APOBEC1: variants seen among roughly 807,000 people sequenced by gnomAD.
APOBEC1 encodes the protein apolipoprotein B mRNA editing enzyme catalytic subunit 1.
Under a neutral mutation model 26.3 loss-of-function variants are expected in APOBEC1, and 22 were observed. The ratio of observed to expected loss-of-function variants is 0.84; its 90% CI spans 0.60 to 1.19. The LOEUF (loss-of-function observed/expected upper bound fraction) is 1.19. Ranked by LOEUF, APOBEC1 falls within the 50% of genes most tolerant of loss-of-function variation. The pLI is 0.00. For synonymous variants in APOBEC1, 77 were observed against 95.3 expected (o/e 0.81, Z 1.12); for missense variants, 253 against 289.0 (o/e 0.88, Z 0.90).
chr12:7,652,740 C>A lies in APOBEC1; in HGVS notation c.140G>T (p.Ser47Ile). ...GCCTGAGCTTCGCCAGATCTTCCGG[C>A]TCATGCCCCACTTGATTTCGTAGAG... ...CLLYEIKWGM[S>I]RKIWRSSGKN... Residue 47 changes from serine (S) to isoleucine (I), a missense_variant, in exon 3 of 5, where the codon AGC becomes ATC. Coordinates refer to ENST00000229304, the MANE Select transcript of APOBEC1 (RefSeq NM_001644.5). 1 of 1,614,102 alleles carries A rather than the reference C, an allele frequency of 6.2e-7. No individual in the cohort carries two copies. The highest frequency in any genetic ancestry group is 1.1e-5 in the South Asian group (1 of 91,074).
intron 2 of APOBEC1, among the ~76,000 whole-genome samples, chr12:7,653,650 A>C (rs1252655153): frequency 6.6e-6 from 1 of 151,692 alleles, no homozygotes; most frequent in Non-Finnish European, 1.5e-5. Flanking sequence ...TCTATTTTAC[A>C]CCTAGAGGTG....
chr12:7,651,470 C>G (rs367890578), intron 3 of APOBEC1, among the ~76,000 whole-genome samples: 1 of 151,710 alleles, frequency 6.6e-6, no homozygotes, highest in Non-Finnish European at 1.5e-5. Flanking sequence ...AAAAATTAGC[C>G]GGGCGTGGTG....
upstream of APOBEC1, among the ~76,000 whole-genome samples, chr12:7,666,356 C>T (rs1414167900): frequency 1.3e-5 from 2 of 151,316 alleles, no homozygotes; most frequent in African/African-American, 4.9e-5. Context: ...TGCAATGGCA[C>T]AATCTTGGCT....
At position 7,649,436 on chromosome 12, in the gene APOBEC1, TAC is replaced by T. The variant is rs1863604295; in HGVS notation, c.*109_*110del. 1 of 1,189,510 alleles carries T rather than the reference TAC, an allele frequency of 8.4e-7. No individual in the cohort carries two copies. The highest frequency in any genetic ancestry group is 2.3e-5 in the Admixed American group (1 of 43,660). The allele number at this position is 1,189,510 out of a possible 1,614,324, so 73.7% of individuals were successfully genotyped here. A position where few individuals can be genotyped will look rare whatever the true frequency, so the allele number is the denominator to read the frequency against. ...ATACATATTTATTGTTGGTTTAAGC[TAC>T]AGAGTTTTGGGGTACCTTGTGAACA... On this transcript the variant is annotated 3_prime_UTR_variant, in exon 5 of 5. Transcript: ENST00000229304.
intron 2 of APOBEC1, among the ~76,000 whole-genome samples, chr12:7,653,111 TA>T (rs1863669085): frequency 1.3e-5 from 2 of 152,112 alleles, no homozygotes; most frequent in South Asian, 4.2e-4. Flanking sequence ...TTTGTATTTT[TA>T]GTAGAGACGG....
At position 7,657,194 on chromosome 12, in the gene APOBEC1, TAA is replaced by T. The variant is rs375386279; in HGVS notation, c.17-2564_17-2563del. ...CATTTGAACCAACTGCATTTCGTAC[TAA>T]GTTACTACCCTTGAATTGAGCCTCA... On this transcript the variant is annotated intron_variant, in intron 1 of 4. Coordinates refer to ENST00000229304, the MANE Select transcript of APOBEC1 (RefSeq NM_001644.5). Among the ~76,000 whole-genome samples the T allele has an allele frequency of 4.7e-3, 721 of 152,306 alleles. 7 individuals carry two copies. The highest frequency in any genetic ancestry group is 0.015 in the African/African-American group (630 of 41,562).
At position 7,651,255 on chromosome 12, in the gene APOBEC1, T is replaced by C. The variant is rs561124244; in HGVS notation, c.443-114A>G. The C allele has an allele frequency of 2.0e-3, 1,464 of 721,470 alleles. 3 individuals are homozygous for C. The highest frequency in any genetic ancestry group is 6.5e-3 in the Middle Eastern group (23 of 3,512). The allele number at this position is 721,470 out of a possible 1,614,324, so 44.7% of individuals were successfully genotyped here. A position where few individuals can be genotyped will look rare whatever the true frequency, so the allele number is the denominator to read the frequency against. On this transcript the variant is annotated intron_variant, in intron 3 of 4. Coordinates refer to ENST00000229304, the MANE Select transcript of APOBEC1 (RefSeq NM_001644.5). ...CTGTAGTCTCTAGTCTAGTTGCTGC[T>C]GGACATTAGACCCCCTAAAAAGAAT... is the stretch of plus-strand genomic sequence containing the variant.
upstream of APOBEC1, among the ~76,000 whole-genome samples, chr12:7,670,334 T>C (rs1187030593): frequency 7.1e-6 from 1 of 141,028 alleles, no homozygotes; most frequent in Non-Finnish European, 1.5e-5. Context: ...GTTGTAAGAG[T>C]TTTTTACGTA....
intron 1 of APOBEC1, 58 bp downstream of exon 1, chr12:7,665,799 A>G (rs746987079): frequency 1.2e-5 from 17 of 1,361,934 alleles, no homozygotes; most frequent in Admixed American, 3.5e-5. Flanking sequence ...ACACACACAC[A>G]CACACACCAT....
chr12:7,650,440 AAATAAG>A (rs1404981161), intron 4 of APOBEC1, among the ~76,000 whole-genome samples: 1 of 152,090 alleles, frequency 6.6e-6, no homozygotes, highest in African/African-American at 2.4e-5. Context: ...AATGATAATA[AAATAAG>A]AATAAAAATG....
chr12:7,649,620 C>T lies in APOBEC1; in HGVS notation c.638G>A (p.Cys213Tyr). 1 of 1,613,986 alleles carries T rather than the reference C, an allele frequency of 6.2e-7. No homozygotes were observed. Among genetic ancestry groups the T allele is most frequent in the South Asian group, 1.1e-5 (1 of 91,078 alleles). The part of the protein sequence containing the change: ...LTFFRLHLQN[C>Y]HYQTIPPHIL... ...GTGTGGCGGAATCGTTTGGTAATGG[C>T]AGTTTTGAAGATGAAGTCTGAAAAA... The change falls in exon 5 of 5, where the codon TGC (cysteine) becomes TAC (tyrosine). Residue 213 changes from cysteine (C) to tyrosine (Y), a missense_variant. Coordinates refer to ENST00000229304, the MANE Select transcript of APOBEC1 (RefSeq NM_001644.5).
At position 7,653,133 on chromosome 12, in the gene APOBEC1, T is replaced by G. The variant is rs373437987; in HGVS notation, c.45-298A>C. ...TTTTAGTAGAGACGGGGTTTCACCATGTTGGCCAGGCTGGTCTCAAACTCC... is the reference window on the plus strand; with the variant it reads ...TTTTAGTAGAGACGGGGTTTCACCAGGTTGGCCAGGCTGGTCTCAAACTCC... On this transcript the variant is annotated intron_variant, in intron 2 of 4. Coordinates refer to ENST00000229304, the MANE Select transcript of APOBEC1 (RefSeq NM_001644.5). Among the ~76,000 whole-genome samples, 341 of 152,152 alleles carry G rather than the reference T, an allele frequency of 2.2e-3. 2 individuals carry two copies. The highest frequency in any genetic ancestry group is 7.9e-3 in the African/African-American group (330 of 41,524).
At chr12:7,665,803 A>ACACC (rs1863885183) in intron 1 of APOBEC1, 54 bp downstream of exon 1, 1 of 1,366,880 alleles carries the variant, frequency 7.3e-7, no homozygotes, top group Non-Finnish European at 1.0e-6. Context: ...ACACACACAC[A>ACACC]CACCATTCTT....
chr12:7,669,374 C>T (rs1592066221), upstream of APOBEC1, among the ~76,000 whole-genome samples: 2 of 151,910 alleles, frequency 1.3e-5, no homozygotes, highest in African/African-American at 2.4e-5. Flanking sequence ...AGGTATGCTA[C>T]GATTTGTATA....
rs1486862489 is a variant in APOBEC1, at chr12:7,652,654, A to G, written c.226T>C (p.Phe76Leu). 1.2e-6 allele frequency: 2 copies of G among 1,614,086 alleles called. No homozygotes were observed. Among genetic ancestry groups the G allele is most frequent in the Admixed American group, 1.7e-5 (1 of 60,014 alleles). ...ATGGAGCAGCTCATGGATGGGTGAAAATCTCTTTCTGACGTAAATTTTTTT... is the reference window on the plus strand; with the variant it reads ...ATGGAGCAGCTCATGGATGGGTGAAGATCTCTTTCTGACGTAAATTTTTTT... ...FIKKFTSERD[F>L]HPSMSCSITW... The change falls in exon 3 of 5, where the codon TTT (phenylalanine) becomes CTT (leucine). Residue 76 changes from phenylalanine (F) to leucine (L), a missense_variant. By Grantham distance (22) the Phe-to-Leu change is conservative. Transcript: ENST00000229304.
chr12:7,657,711 A>G (rs766365222), intron 1 of APOBEC1, among the ~76,000 whole-genome samples: 5 of 152,076 alleles, frequency 3.3e-5, no homozygotes, highest in Non-Finnish European at 5.9e-5. Context: ...CCGTCTCTAC[A>G]AAAAGATACA....
At chr12:7,668,414 C>T (rs1347928993), upstream of APOBEC1, among the ~76,000 whole-genome samples, 3 of 152,154 alleles carry the variant, frequency 2.0e-5, no homozygotes, top group Non-Finnish European at 4.4e-5. Flanking sequence ...TATGGTAGGA[C>T]ATGCTCCCAG....
intron 1 of APOBEC1, among the ~76,000 whole-genome samples, chr12:7,661,487 T>TGATA (rs60705558): frequency 0.023 from 3,488 of 151,010 alleles, 52 homozygotes; most frequent in East Asian, 0.036. Context: ...TGATGACAGA[T>TGATA]GATAGATAGA....
At chr12:7,667,702 G>T (rs1400999687), upstream of APOBEC1, among the ~76,000 whole-genome samples, 1 of 152,100 alleles carries the variant, frequency 6.6e-6, no homozygotes, top group Admixed American at 6.6e-5. Context: ...ATCACCTGAG[G>T]TCAGGAGTTC....
Sources: gnomAD v4.1 joint callset for allele counts (sites outside exome capture counted in the v4.1 genomes callset) on GRCh38, gnomAD v4.1.1 for gene constraint, MANE v1.5 for transcripts, NCBI Gene and HGNC (gene_info 2026-07-23, HGNC 2026-07-21) for gene names.